TXNDC16: variants seen among roughly 807,000 people sequenced by gnomAD.
TXNDC16 encodes the protein thioredoxin domain containing 16, also known as thioredoxin domain-containing protein 16.
In TXNDC16, 74 loss-of-function variants were observed where a neutral mutation model predicts 85.6. The observed-to-expected ratio is 0.86, with a 90% CI of 0.72 to 1.05. The LOEUF (loss-of-function observed/expected upper bound fraction) is 1.05. Among genes scored for constraint, TXNDC16 ranks in the 50% least tolerant of loss-of-function variants. TXNDC16 has a pLI of 0.00. For synonymous variants in TXNDC16, 335 were observed against 326.5 expected (o/e 1.03, Z -0.28); for missense variants, 959 against 947.0 (o/e 1.01, Z -0.17).
At chr14:52,469,995 G>T (rs886305277) in intron 16 of TXNDC16, 42 bp downstream of exon 16, 4 of 1,506,786 alleles carry the variant, frequency 2.7e-6, no homozygotes, top group Non-Finnish European at 3.5e-6. Context: ...AGCAAGCAAT[G>T]ATATACTCTA....
intron 6 of TXNDC16, among the ~76,000 whole-genome samples, chr14:52,530,462 A>ATAT (rs1386379814): frequency 1.7e-4 from 2 of 11,578 alleles, no homozygotes; most frequent in African/African-American, 5.0e-4. Context: ...ATAATAATAT[A>ATAT]TATTATATAT....
chr14:52,485,193 C>A (rs1485374631), intron 12 of TXNDC16, among the ~76,000 whole-genome samples: 1 of 151,982 alleles, frequency 6.6e-6, no homozygotes, highest in Non-Finnish European at 1.5e-5. Context: ...CTGTACAAGC[C>A]TAGGCTAATG....
intron 6 of TXNDC16, among the ~76,000 whole-genome samples, chr14:52,530,518 A>G (rs1032177778): frequency 3.8e-4 from 7 of 18,382 alleles, no homozygotes; most frequent in South Asian, 2.6e-3. Flanking sequence ...ATATTATTAT[A>G]TAATATTATA....
intron 16 of TXNDC16, among the ~76,000 whole-genome samples, chr14:52,467,811 G>T (rs1051149179): frequency 6.6e-6 from 1 of 152,030 alleles, no homozygotes; most frequent in African/African-American, 2.4e-5. Context: ...GTTCACAACC[G>T]CGTTATTCAC....
At chr14:52,513,196 A>G (rs1367506650) in intron 8 of TXNDC16, among the ~76,000 whole-genome samples, 1 of 152,202 alleles carries the variant, frequency 6.6e-6, no homozygotes, top group Non-Finnish European at 1.5e-5. Context: ...ACTCAGATCC[A>G]ATATGATATA....
rs139164256 is a variant in TXNDC16, at chr14:52,451,972, T to A, written c.1842+3352A>T. The stretch of plus-strand genomic sequence containing the variant: ...TCCATCGAAAAACTATTCAAGCTGA[T>A]AAACAAATTCAGTAAAGTTGCAAGA... On this transcript the variant is annotated intron_variant, in intron 18 of 20. Transcript: ENST00000281741. 5.6e-3 allele frequency among the ~76,000 whole-genome samples: 853 copies of A among 152,262 alleles called. 6 individuals carry two copies. The highest frequency in any genetic ancestry group is 0.01 in the Non-Finnish European group (687 of 67,996).
chr14:52,551,106 C>G (rs567871530), intron 1 of TXNDC16, among the ~76,000 whole-genome samples: 61 of 152,240 alleles, frequency 4.0e-4, no homozygotes, highest in African/African-American at 1.4e-3. Context: ...GCCTGTACAT[C>G]TACCACAGTT....
intron 1 of TXNDC16, among the ~76,000 whole-genome samples, chr14:52,545,288 CTTTCCCATA>C (rs1566591947): frequency 6.6e-6 from 1 of 152,116 alleles, no homozygotes; most frequent in Non-Finnish European, 1.5e-5. Flanking sequence ...TGCTTAAATA[CTTTCCCATA>C]TTTCCTATCT....
intron 18 of TXNDC16, among the ~76,000 whole-genome samples, chr14:52,448,031 AGCAG>A (rs1445593065): frequency 6.6e-6 from 1 of 151,990 alleles, no homozygotes; most frequent in Admixed American, 6.6e-5. Context: ...AAAACAATGA[AGCAG>A]GCCTACTAGG....
rs1376775273 is a variant in TXNDC16 at position 52,432,347 on chromosome 14, G to C, written c.2435C>G (p.Ser812Ter). ...TCCTAACTCTTTATCACGTCTAAAT[G>C]ATTTTTCTGCTTCTTTAAACCAATT... ...RSNWFKEAEK[S>*]FRRDKELGCS... The change falls in exon 21 of 21, where the codon TCA (serine) becomes TGA (stop). Residue 812 changes from serine to a stop codon, truncating the protein, a stop_gained. Coordinates refer to ENST00000281741, the MANE Select transcript of TXNDC16 (RefSeq NM_020784.3). LOFTEE classifies it high-confidence loss of function. The C allele has an allele frequency of 6.2e-7, 1 of 1,613,396 alleles. No homozygotes were observed. The highest frequency in any genetic ancestry group is 2.2e-5 in the East Asian group (1 of 44,842).
intron 4 of TXNDC16, among the ~76,000 whole-genome samples, chr14:52,540,401 G>A (rs961787249): frequency 2.0e-5 from 3 of 152,082 alleles, no homozygotes; most frequent in Non-Finnish European, 2.9e-5. Context: ...GAGGCAGGAG[G>A]AACACCCGAA....
intron 8 of TXNDC16, among the ~76,000 whole-genome samples, chr14:52,513,405 T>A (rs1030046278): frequency 1.3e-5 from 2 of 152,186 alleles, no homozygotes; most frequent in Non-Finnish European, 2.9e-5. Context: ...ACAGCACCAC[T>A]GTATTCAGAA....
At position 52,504,344 on chromosome 14, in the gene TXNDC16, G is replaced by C. The variant is rs1432705039; in HGVS notation, c.756+6896C>G. ...AGAAAGGTCGGGTTACCCACAGAGG[G>C]AAGTCCATCAGACTAACAGCTGATC... On this transcript the variant is annotated intron_variant, in intron 9 of 20. Coordinates refer to ENST00000281741, the MANE Select transcript of TXNDC16 (RefSeq NM_020784.3). Among the ~76,000 whole-genome samples, 4 of 152,226 alleles carry C rather than the reference G, an allele frequency of 2.6e-5. No individual in the cohort carries two copies. In the East Asian group the frequency reaches 7.7e-4, roughly 29 times the overall value.
At chr14:52,443,429 G>A (rs984326882) in intron 18 of TXNDC16, among the ~76,000 whole-genome samples, 31 of 152,038 alleles carry the variant, frequency 2.0e-4, no homozygotes, top group South Asian at 1.0e-3. Flanking sequence ...AGTTCTGTCC[G>A]TCTAGAGAAA....
intron 20 of TXNDC16, among the ~76,000 whole-genome samples, chr14:52,438,574 T>A (rs573562907): frequency 1.3e-5 from 2 of 152,232 alleles, no homozygotes; most frequent in Non-Finnish European, 2.9e-5. Flanking sequence ...GACTTCAGTA[T>A]AGTGTAAACA....
chr14:52,479,234 T>C (rs1457842791), intron 14 of TXNDC16, among the ~76,000 whole-genome samples: 5 of 152,178 alleles, frequency 3.3e-5, no homozygotes, highest in East Asian at 1.9e-4. Flanking sequence ...GTTGAAAGTA[T>C]TCCTTCTGAG....
chr14:52,496,610 ATTT>A (rs57762673), intron 9 of TXNDC16, among the ~76,000 whole-genome samples: 2 of 140,036 alleles, frequency 1.4e-5, no homozygotes, highest in East Asian at 2.1e-4. Flanking sequence ...TGATTTTATG[ATTT>A]TTTTTTTTTT....
chr14:52,502,490 T>C (rs2140169647), intron 9 of TXNDC16, among the ~76,000 whole-genome samples: 2 of 152,316 alleles, frequency 1.3e-5, no homozygotes, highest in Middle Eastern at 6.8e-3. Flanking sequence ...TGCCCTTAAT[T>C]TTTTGCCATG....
At chr14:52,493,684 A>C (rs1310940170) in intron 9 of TXNDC16, among the ~76,000 whole-genome samples, 1 of 152,180 alleles carries the variant, frequency 6.6e-6, no homozygotes, top group Non-Finnish European at 1.5e-5. Context: ...ACTGAAGGAC[A>C]TGAGTTGTCA....
Sources: gnomAD v4.1 joint callset for allele counts (sites outside exome capture counted in the v4.1 genomes callset) on GRCh38, gnomAD v4.1.1 for gene constraint, MANE v1.5 for transcripts, NCBI Gene and HGNC (gene_info 2026-07-23, HGNC 2026-07-21) for gene names.